Variants in RBFOX1 observed in about 807,000 individuals in gnomAD.
RBFOX1 encodes RNA binding protein fox-1 homolog 1.
A neutral mutation model predicts 57.7 loss-of-function variants in RBFOX1; 8 were observed. That is an observed-to-expected ratio of 0.14 (90% confidence interval 0.08 to 0.25). The LOEUF is 0.25. Among genes scored for constraint, RBFOX1 ranks in the 10% least tolerant of loss-of-function variants. The probability of loss-of-function intolerance (pLI) is 1.00; values close to 1 mark genes in which losing one functional copy is unlikely to be tolerated. For synonymous variants in RBFOX1, 326 were observed against 222.4 expected, an observed-to-expected ratio of 1.47 and a Z score of -4.15; for missense variants, 611 against 548.5, an observed-to-expected ratio of 1.11 and a Z score of -1.14.
chr16:6,812,816 T>G (rs2154267774), intron 3 of RBFOX1, among the ~76,000 whole-genome samples: 1 of 152,202 alleles, frequency 6.6e-6, no homozygotes, highest in South Asian at 2.1e-4. Context: ...CTCCATTAGG[T>G]TTTGCATACA....
intron 4 of RBFOX1, among the ~76,000 whole-genome samples, chr16:7,253,866 T>C (rs1282889693): frequency 1.3e-5 from 2 of 152,162 alleles, no homozygotes; most frequent in Non-Finnish European, 2.9e-5. Context: ...GAAATGCATA[T>C]TGGAGGATTT....
Position 5,934,708 on chromosome 16 carries a change from C to T in RBFOX1, c.351+67373C>T, listed in dbSNP as rs561727624. Reference sequence around the variant, plus strand: ...TTTATGGAAATATCAGGATGTGCCCCATAAATATGTATAATTATTACGTGT... The same window carrying T: ...TTTATGGAAATATCAGGATGTGCCCTATAAATATGTATAATTATTACGTGT... On this transcript the variant is annotated intron_variant, in intron 4 of 19. Transcript: ENST00000641259. 2.3e-4 allele frequency among the ~76,000 whole-genome samples: 35 copies of T among 152,304 alleles called. 1 individual carries two copies. The South Asian group carries it at 6.6e-3, about 29-fold the overall frequency.
chr16:6,574,950 A>G (rs1165095818), intron 2 of RBFOX1, among the ~76,000 whole-genome samples: 3 of 151,048 alleles, frequency 2.0e-5, no homozygotes, highest in African/African-American at 7.3e-5. Context: ...AGGGAGGAGA[A>G]TGGCGTGAAC....
chr16:6,316,893 C>T (rs187649297), intron 1 of RBFOX1, 102 bp from the exon 2 acceptor site: 8 of 804,504 alleles, frequency 9.9e-6, no homozygotes, highest in Admixed American at 2.4e-5. Flanking sequence ...TAGTCAGAAC[C>T]TATTTTGAAG....
At chr16:5,389,334 T>C (rs2066340900) in intron 1 of RBFOX1, among the ~76,000 whole-genome samples, 2 of 152,188 alleles carry the variant, frequency 1.3e-5, no homozygotes, top group Admixed American at 6.5e-5. Context: ...TTTTCGACCT[T>C]GGCTCTATGG....
At chr16:6,856,495 C>T (rs1244896833) in intron 3 of RBFOX1, among the ~76,000 whole-genome samples, 1 of 152,062 alleles carries the variant, frequency 6.6e-6, no homozygotes, top group African/African-American at 2.4e-5. Context: ...GTTATCATTG[C>T]CCTCTAGAAA....
intron 14 of RBFOX1, among the ~76,000 whole-genome samples, chr16:7,680,057 T>C (rs1269685468): frequency 6.6e-6 from 1 of 152,206 alleles, no homozygotes. Flanking sequence ...AACTGAAGCA[T>C]GGCAGAGGGG....
chr16:7,040,419 A>G (rs929792445), intron 3 of RBFOX1, among the ~76,000 whole-genome samples: 4 of 152,210 alleles, frequency 2.6e-5, no homozygotes, highest in South Asian at 2.1e-4. Context: ...TATTACAATA[A>G]CCATATAACT....
rs187645811 is a variant in RBFOX1, at chr16:6,332,824, G to A, written c.-64+15767G>A. The stretch of plus-strand genomic sequence containing the variant: ...CATGCCGTGGACTAGAAGGGTAGAT[G>A]AAAGGTGTTGGAAAAATGTAGAGAT... On this transcript the variant is annotated intron_variant, in intron 2 of 15. Transcript: ENST00000550418. Among the ~76,000 whole-genome samples the A allele has an allele frequency of 2.6e-5, 4 of 152,266 alleles. No homozygotes were observed. In the East Asian group the frequency reaches 5.8e-4, roughly 22 times the overall value.
At chr16:5,712,997 G>A (rs1280038508) in intron 3 of RBFOX1, among the ~76,000 whole-genome samples, 4 of 152,114 alleles carry the variant, frequency 2.6e-5, no homozygotes, top group Admixed American at 1.3e-4. Context: ...CATGCTGGTG[G>A]TTAATTTGAG....
intron 4 of RBFOX1, among the ~76,000 whole-genome samples, chr16:7,460,654 A>G (rs1325178146): frequency 6.6e-6 from 1 of 151,732 alleles, no homozygotes; most frequent in East Asian, 1.9e-4. Context: ...AATCTGCACA[A>G]CAAACCACCA....
intron 2 of RBFOX1, among the ~76,000 whole-genome samples, chr16:6,611,432 C>T (rs577621692): frequency 1.2e-3 from 188 of 152,312 alleles, no homozygotes; most frequent in Admixed American, 1.6e-3. Context: ...CAGGCGTGAG[C>T]CACTGTGCCT....
intron 2 of RBFOX1, among the ~76,000 whole-genome samples, chr16:5,543,762 T>C (rs749298999): frequency 1.3e-5 from 2 of 151,958 alleles, no homozygotes; most frequent in Admixed American, 6.6e-5. Flanking sequence ...CTTAGTGATA[T>C]AAAAACTTAA....
chr16:5,796,145 C>T (rs1597289984), intron 3 of RBFOX1, among the ~76,000 whole-genome samples: 1 of 152,188 alleles, frequency 6.6e-6, no homozygotes, highest in East Asian at 1.9e-4. Flanking sequence ...AGGTCATAAG[C>T]AGCTCAAGAC....
chr16:5,618,658 A>G (rs1193454726), intron 3 of RBFOX1, among the ~76,000 whole-genome samples: 1 of 152,188 alleles, frequency 6.6e-6, no homozygotes, highest in Admixed American at 6.5e-5. Flanking sequence ...TTTGTACGTA[A>G]GTTATACCTC....
chr16:6,868,195 G>A (rs2060263207), intron 3 of RBFOX1, among the ~76,000 whole-genome samples: 1 of 152,056 alleles, frequency 6.6e-6, no homozygotes, highest in African/African-American at 2.4e-5. Flanking sequence ...AGTGCTACAT[G>A]TTACAGCCTC....
At chr16:7,692,767 G>A (rs1164570304) in intron 14 of RBFOX1, among the ~76,000 whole-genome samples, 2 of 151,978 alleles carry the variant, frequency 1.3e-5, no homozygotes, top group Non-Finnish European at 2.9e-5. Context: ...AAAATAATTA[G>A]GGTTTATTTC....
intron 4 of RBFOX1, among the ~76,000 whole-genome samples, chr16:7,103,506 A>G (rs2063055077): frequency 6.6e-6 from 1 of 152,178 alleles, no homozygotes; most frequent in Non-Finnish European, 1.5e-5. Flanking sequence ...TTCACAATGT[A>G]TTGGTATGTT....
At chr16:7,233,102 A>T (rs2093593639) in intron 4 of RBFOX1, among the ~76,000 whole-genome samples, 1 of 152,224 alleles carries the variant, frequency 6.6e-6, no homozygotes, top group South Asian at 2.1e-4. Flanking sequence ...CACAATGTAC[A>T]TAGGATGCTT....
Sources: allele counts gnomAD v4.1 joint callset (sites outside exome capture counted in the v4.1 genomes callset), GRCh38; gene constraint gnomAD v4.1.1; transcripts MANE v1.5; gene names NCBI Gene and HGNC (gene_info 2026-07-23, HGNC 2026-07-21).